Variants in DIP2B observed in about 807,000 individuals in gnomAD.
The protein encoded by DIP2B is disco-interacting protein 2 homolog B.
DIP2B carries 76 observed loss-of-function variants against 198.0 expected under a neutral mutation model. The ratio of observed to expected loss-of-function variants is 0.38; its 90% CI spans 0.32 to 0.46. The LOEUF (loss-of-function observed/expected upper bound fraction) is 0.46. Among genes scored for constraint, DIP2B ranks in the 20% least tolerant of loss-of-function variants. The pLI, the probability that DIP2B is intolerant of heterozygous loss-of-function variation, is 0.99. For missense variants in DIP2B, 1,559 were observed against 1,978.4 expected (o/e 0.79, Z 4.02); for synonymous variants, 701 against 739.1 (o/e 0.95, Z 0.84).
intron 1 of DIP2B, among the ~76,000 whole-genome samples, chr12:50,555,122 C>T (rs1419977709): frequency 6.6e-6 from 1 of 152,148 alleles, no homozygotes; most frequent in Non-Finnish European, 1.5e-5. Flanking sequence ...GCCCTCAACT[C>T]TTCCTAGTGT....
intron 27 of DIP2B, among the ~76,000 whole-genome samples, chr12:50,724,048 C>CA (rs890199338): frequency 8.5e-5 from 13 of 152,176 alleles, no homozygotes; most frequent in Non-Finnish European, 8.8e-5. Flanking sequence ...TGACAGATTA[C>CA]AAAATTCCAG....
intron 3 of DIP2B, among the ~76,000 whole-genome samples, chr12:50,656,782 G>A (rs1938561543): frequency 1.3e-5 from 2 of 152,090 alleles, no homozygotes; most frequent in African/African-American, 4.8e-5. Context: ...ACGTTGGTCA[G>A]GCTGGTTTCG....
intron 1 of DIP2B, among the ~76,000 whole-genome samples, chr12:50,523,683 G>C (rs1378469857): frequency 1.3e-5 from 2 of 152,190 alleles, no homozygotes; most frequent in Non-Finnish European, 2.9e-5. Context: ...TGTATTCAAA[G>C]CAGTATGGTA....
At chr12:50,731,676 TA>T (rs1363920969) in intron 31 of DIP2B, 139 bp downstream of exon 31, 65 of 1,042,194 alleles carry the variant, frequency 6.2e-5, no homozygotes, top group Non-Finnish European at 8.0e-5. Context: ...GGGTGTATTT[TA>T]AACTTTGGCA....
intron 37 of DIP2B, among the ~76,000 whole-genome samples, chr12:50,743,111 A>T (rs1023645451): frequency 1.3e-5 from 2 of 151,950 alleles, no homozygotes; most frequent in African/African-American, 4.8e-5. Context: ...TTTTTTTGTG[A>T]GACAGAGTCT....
At position 50,685,902 on chromosome 12, in the gene DIP2B, G is replaced by T. The variant is rs1219059890; in HGVS notation, c.1387G>T (p.Val463Phe). 1.2e-6 allele frequency: 2 copies of T among 1,613,890 alleles called. No homozygotes were observed. The highest frequency in any genetic ancestry group is 1.7e-6 in the Non-Finnish European group (2 of 1,179,912). ...CGIALALTSE[V>F]CLKGLPKTQN... ...TATTGCCTTAGCTCTTACCAGTGAA[G>T]TTTGTCTAAAAGGACTGCCAAAAAC... is the stretch of plus-strand genomic sequence containing the variant. Residue 463 changes from valine (V) to phenylalanine (F), a missense_variant, in exon 11 of 38, where the codon GTT becomes TTT. Physicochemically the swap from Val to Phe is conservative, Grantham distance 50. Coordinates refer to ENST00000301180, the MANE Select transcript of DIP2B (RefSeq NM_173602.3).
intron 2 of DIP2B, among the ~76,000 whole-genome samples, chr12:50,631,819 T>C (rs1177045931): frequency 6.6e-6 from 1 of 152,172 alleles, no homozygotes; most frequent in Admixed American, 6.5e-5. Context: ...ATTTTGTGTT[T>C]TTCACTTTAT....
rs552545029 is a variant in DIP2B, at chr12:50,656,358, G to T, written c.302-3836G>T. ...GTCTGGAGGAGGAAAAGTACCTCAT[G>T]AGCATGGAATATCTTATGTCATAAA... is the stretch of plus-strand genomic sequence containing the variant. On this transcript the variant is annotated intron_variant, in intron 3 of 37. Coordinates refer to ENST00000301180, the MANE Select transcript of DIP2B (RefSeq NM_173602.3). Among the ~76,000 whole-genome samples, 11 of 152,286 alleles carry T rather than the reference G, an allele frequency of 7.2e-5. 1 individual carries two copies. Among genetic ancestry groups the T allele is most frequent in the Non-Finnish European group, 1.2e-4 (8 of 68,030 alleles).
At chr12:50,549,522 C>G (rs989645796) in intron 1 of DIP2B, among the ~76,000 whole-genome samples, 1 of 150,308 alleles carries the variant, frequency 6.7e-6, no homozygotes, top group Non-Finnish European at 1.5e-5. Context: ...GAGCAAGACT[C>G]TTGTCTCAAA....
intron 1 of DIP2B, among the ~76,000 whole-genome samples, chr12:50,539,992 A>G (rs1159817096): frequency 1.4e-5 from 2 of 146,486 alleles, no homozygotes; most frequent in African/African-American, 5.1e-5. Flanking sequence ...ATCCCATTAC[A>G]TGAATCCATC....
intron 2 of DIP2B, among the ~76,000 whole-genome samples, chr12:50,630,736 A>G (rs1432842971): frequency 8.0e-6 from 1 of 124,250 alleles, no homozygotes; most frequent in Non-Finnish European, 1.6e-5. Flanking sequence ...CAATGGCGTG[A>G]TCTCGGCTCA....
At chr12:50,706,091 T>C (rs1939508046) in intron 20 of DIP2B, among the ~76,000 whole-genome samples, 1 of 152,166 alleles carries the variant, frequency 6.6e-6, no homozygotes, top group Non-Finnish European at 1.5e-5. Flanking sequence ...GAAACAGCAT[T>C]ACCCTTACCA....
Position 50,675,277 on chromosome 12 carries a change from A to C in DIP2B, c.797-52A>C, listed in dbSNP as rs1045176601. Reference sequence around the variant, plus strand: ...AAGCTCCTGAGGGAACTGAGGAACTAAAATATCCTTACAGTCAATGAATTT... The same window carrying C: ...AAGCTCCTGAGGGAACTGAGGAACTCAAATATCCTTACAGTCAATGAATTT... On this transcript the variant is annotated intron_variant, in intron 6 of 37. Transcript: ENST00000301180. The C allele has an allele frequency of 6.9e-6, 11 of 1,590,850 alleles. No homozygotes were observed. In the Admixed American group the frequency reaches 1.9e-4, roughly 28 times the overall value.
At position 50,527,522 on chromosome 12, in the gene DIP2B, C is replaced by T. The variant is rs542572362; in HGVS notation, c.100+22282C>T. ...CTTAATAACTAAGATTATCCTTGGC[C>T]GACAGCACTTTGGGAGGCCGAGGCG... On this transcript the variant is annotated intron_variant, in intron 1 of 37. Coordinates refer to ENST00000301180, the MANE Select transcript of DIP2B (RefSeq NM_173602.3). Among the ~76,000 whole-genome samples the T allele has an allele frequency of 3.3e-5, 5 of 152,202 alleles. No homozygotes were observed. The East Asian group carries it at 5.8e-4, about 18-fold the overall frequency.
intron 1 of DIP2B, among the ~76,000 whole-genome samples, chr12:50,548,145 C>G (rs909273753): frequency 6.6e-6 from 1 of 152,102 alleles, no homozygotes; most frequent in Non-Finnish European, 1.5e-5. Flanking sequence ...GTGGCAATTT[C>G]ATCTAGAATT....
intron 1 of DIP2B, among the ~76,000 whole-genome samples, chr12:50,576,966 T>G (rs1352768761): frequency 6.6e-6 from 1 of 151,466 alleles, no homozygotes; most frequent in South Asian, 2.1e-4. Flanking sequence ...TAGGTTCAAG[T>G]GATTCTCCTG....
intron 14 of DIP2B, 117 bp from the exon 15 acceptor site, chr12:50,695,150 A>C (rs1939288520): frequency 1.4e-6 from 1 of 702,628 alleles, no homozygotes; most frequent in South Asian, 2.4e-5. Context: ...GTTTTCAAAG[A>C]GTGTGTATTT....
intron 19 of DIP2B, among the ~76,000 whole-genome samples, chr12:50,699,898 A>G (rs1443338688): frequency 9.7e-5 from 7 of 72,340 alleles, no homozygotes; most frequent in Non-Finnish European, 2.1e-4. Flanking sequence ...CAACAAAACC[A>G]AAAAAAAAAA....
intron 1 of DIP2B, among the ~76,000 whole-genome samples, chr12:50,592,315 CA>C (rs1264100197): frequency 6.6e-6 from 1 of 152,172 alleles, no homozygotes; most frequent in Admixed American, 6.5e-5. Context: ...GCTGGAACTA[CA>C]GACAAGTGCC....
Sources: allele counts gnomAD v4.1 joint callset (sites outside exome capture counted in the v4.1 genomes callset), GRCh38; gene constraint gnomAD v4.1.1; transcripts MANE v1.5; gene names NCBI Gene and HGNC (gene_info 2026-07-23, HGNC 2026-07-21).